MKLN1: variants seen among roughly 807,000 people sequenced by gnomAD.
MKLN1 encodes muskelin.
MKLN1 carries 18 observed loss-of-function variants against 99.0 expected under a neutral mutation model. The observed-to-expected ratio is 0.18, with a 90% CI of 0.13 to 0.27. MKLN1 has a LOEUF of 0.27. MKLN1 is among the 10% of genes least tolerant of loss of function. The pLI is 1.00. For missense variants in MKLN1, 621 were observed against 875.9 expected, an observed-to-expected ratio of 0.71 and a Z score of 3.67; for synonymous variants, 288 against 293.2, an observed-to-expected ratio of 0.98 and a Z score of 0.18.
chr7:131,161,963 GTATATATATATATATATA>G (rs71168374), intron 2 of MKLN1, among the ~76,000 whole-genome samples: 67 of 109,284 alleles, frequency 6.1e-4, no homozygotes, highest in Middle Eastern at 5.5e-3. Flanking sequence ...GTGTGTGTGT[GTATATATATATATATATA>G]TATATATATA....
At chr7:131,199,199 A>G (rs6978069) in intron 2 of MKLN1, among the ~76,000 whole-genome samples, 58,146 of 151,410 alleles carry the variant, frequency 0.38, 11,748 homozygotes, top group South Asian at 0.59. Flanking sequence ...TTGAGGGTTA[A>G]AGCATGGACA....
chr7:131,369,393 A>C (rs1215082680), intron 1 of MKLN1, among the ~76,000 whole-genome samples: 1 of 152,124 alleles, frequency 6.6e-6, no homozygotes, highest in East Asian at 1.9e-4. Context: ...TAATTTCATC[A>C]ATTTGATGGG....
At chr7:131,174,633 G>A (rs1796266390) in intron 2 of MKLN1, among the ~76,000 whole-genome samples, 1 of 152,100 alleles carries the variant, frequency 6.6e-6, no homozygotes, top group African/African-American at 2.4e-5. Context: ...ATGATCCTGT[G>A]CCTGACGTGA....
At chr7:131,307,840 GA>G (rs1322258501) in intron 3 of MKLN1, among the ~76,000 whole-genome samples, 2 of 152,208 alleles carry the variant, frequency 1.3e-5, no homozygotes. Flanking sequence ...GTTAATGCTG[GA>G]ATAGGACTTT....
intron 1 of MKLN1, among the ~76,000 whole-genome samples, chr7:131,358,958 G>T (rs1188933778): frequency 1.3e-5 from 2 of 151,908 alleles, no homozygotes; most frequent in Non-Finnish European, 1.5e-5. Context: ...GTCTTTTCAG[G>T]TAGCCAGCTT....
At chr7:131,210,267 AT>A (rs1584836609) in intron 3 of MKLN1, among the ~76,000 whole-genome samples, 2 of 152,322 alleles carry the variant, frequency 1.3e-5, no homozygotes, top group African/African-American at 4.8e-5. Flanking sequence ...ATGGTGGCTC[AT>A]GCCTATAATC....
intron 15 of MKLN1, among the ~76,000 whole-genome samples, chr7:131,469,707 C>T (rs1391713641): frequency 6.6e-6 from 1 of 152,164 alleles, no homozygotes; most frequent in African/African-American, 2.4e-5. Context: ...TTCATCTTTT[C>T]CTTGTCTGTA....
intron 17 of MKLN1, among the ~76,000 whole-genome samples, chr7:131,486,083 C>A (rs1797266158): frequency 6.6e-6 from 1 of 151,634 alleles, no homozygotes; most frequent in Non-Finnish European, 1.5e-5. Flanking sequence ...GGGGTACACA[C>A]ATGGAGAGAG....
chr7:131,420,345 A>G (rs770134232), intron 8 of MKLN1, among the ~76,000 whole-genome samples: 1 of 152,154 alleles, frequency 6.6e-6, no homozygotes. Context: ...AAAAGGTATC[A>G]TATAGAGCTG....
chr7:131,385,070 A>C (rs890757602), intron 2 of MKLN1, among the ~76,000 whole-genome samples: 2 of 152,204 alleles, frequency 1.3e-5, no homozygotes, highest in Non-Finnish European at 2.9e-5. Flanking sequence ...TTTGACAACC[A>C]CTAATCTGCT....
chr7:131,147,217 ATTTT>A (rs71168371), intron 2 of MKLN1, among the ~76,000 whole-genome samples: 14 of 136,316 alleles, frequency 1.0e-4, no homozygotes, highest in Admixed American at 3.1e-4. Flanking sequence ...ACACCCAGCT[ATTTT>A]TTTTTTTTTT....
chr7:131,418,770 G>A (rs1236486315), intron 8 of MKLN1, among the ~76,000 whole-genome samples: 2 of 152,166 alleles, frequency 1.3e-5, no homozygotes, highest in African/African-American at 2.4e-5. Flanking sequence ...AGATACTGGT[G>A]AGACAATTAG....
intron 2 of MKLN1, among the ~76,000 whole-genome samples, chr7:131,183,015 T>G (rs893090036): frequency 1.3e-5 from 2 of 152,228 alleles, no homozygotes; most frequent in Non-Finnish European, 2.9e-5. Flanking sequence ...TGAAATGCAC[T>G]AGGGGACCTA....
chr7:131,280,310 G>C (rs888279977), intron 3 of MKLN1, among the ~76,000 whole-genome samples: 1 of 152,060 alleles, frequency 6.6e-6, no homozygotes, highest in Admixed American at 6.6e-5. Flanking sequence ...CATTTCTCTT[G>C]GTATATATAT....
At chr7:131,265,687 G>C (rs944966478) in intron 3 of MKLN1, among the ~76,000 whole-genome samples, 3 of 152,192 alleles carry the variant, frequency 2.0e-5, no homozygotes, top group Non-Finnish European at 4.4e-5. Flanking sequence ...GGCTCTCCTA[G>C]TTCTACAGGA....
intron 3 of MKLN1, among the ~76,000 whole-genome samples, chr7:131,235,395 C>G (rs1040399048): frequency 6.6e-6 from 1 of 151,946 alleles, no homozygotes; most frequent in Non-Finnish European, 1.5e-5. Flanking sequence ...AATTTCTCAG[C>G]AGAATGTATG....
intron 2 of MKLN1, among the ~76,000 whole-genome samples, chr7:131,382,854 G>T (rs534723315): frequency 6.6e-5 from 10 of 151,966 alleles, no homozygotes; most frequent in Non-Finnish European, 1.5e-5. Context: ...CTCCCGAGTA[G>T]CTGGGACTAC....
chr7:131,493,228 G>T lies in MKLN1; in HGVS notation c.*5500G>T, dbSNP rs1225013777. ...TGTCTTCCTTTTTATCTGCTTTTCA[G>T]ACAGCCTCAGTGAACTATTAAACAT... is the stretch of plus-strand genomic sequence containing the variant. On this transcript the variant is annotated 3_prime_UTR_variant, in exon 18 of 18. Transcript: ENST00000352689. 1 of 152,116 alleles carries T rather than the reference G, an allele frequency of 6.6e-6. No individual in the cohort carries two copies. The highest frequency in any genetic ancestry group is 1.5e-5 in the Non-Finnish European group (1 of 68,012). 9.4% of individuals were successfully genotyped at this position (152,116 alleles called of 1,614,324 possible).
chr7:131,149,162 A>G (rs925746171), intron 2 of MKLN1, among the ~76,000 whole-genome samples: 5 of 152,184 alleles, frequency 3.3e-5, no homozygotes, highest in Non-Finnish European at 7.4e-5. Context: ...TCAACTGATT[A>G]TCTTGGCCTT....
Sources: allele counts gnomAD v4.1 joint callset (sites outside exome capture counted in the v4.1 genomes callset), GRCh38; gene constraint gnomAD v4.1.1; transcripts MANE v1.5; gene names NCBI Gene and HGNC (gene_info 2026-07-23, HGNC 2026-07-21).